The following NBEAL2 variants were observed in gnomAD, a reference collection of about 807,000 sequenced individuals.
NBEAL2 encodes the protein neurobeachin like 2.
Under a neutral mutation model 299.8 loss-of-function variants are expected in NBEAL2, and 160 were observed. That is an observed-to-expected ratio of 0.53 (90% CI 0.47 to 0.61). The LOEUF (loss-of-function observed/expected upper bound fraction) is 0.61. NBEAL2 is among the 20% of genes least tolerant of loss of function. NBEAL2 has a pLI of 0.00. For synonymous variants in NBEAL2, 1,493 were observed against 1,542.3 expected, an observed-to-expected ratio of 0.97 and a Z score of 0.75; for missense variants, 3,112 against 3,649.0, an observed-to-expected ratio of 0.85 and a Z score of 3.79.
intron 9 of NBEAL2, among the ~76,000 whole-genome samples, chr3:46,992,221 T>C (rs1466674018): frequency 6.6e-6 from 1 of 152,148 alleles, no homozygotes; most frequent in African/African-American, 2.4e-5. Context: ...TGGTGCCTTG[T>C]TTCCCTTTCC....
At position 46,989,604 on chromosome 3, in the gene NBEAL2, G is replaced by A. The variant is rs923419221; in HGVS notation, c.556+11G>A. On this transcript the variant is annotated intron_variant, in intron 6 of 53. Coordinates refer to ENST00000450053, the MANE Select transcript of NBEAL2 (RefSeq NM_015175.3). This position sits in a 1 kb window ranked among gnomAD's most constrained non-coding sequence, Gnocchi z 5.5. ...GCGCCTTCTTCCAAGGTCAGGCCCC[G>A]CCCCTGCCCCCACTTGGCTCCACCC... is the stretch of plus-strand genomic sequence containing the variant. The A allele has an allele frequency of 2.0e-5, 31 of 1,572,112 alleles. No homozygotes were observed. Among genetic ancestry groups the A allele is most frequent in the African/African-American group, 5.5e-5 (4 of 73,384 alleles).
chr3:46,994,156 C>T, intron 11 of NBEAL2, 136 bp downstream of exon 11: 1 of 899,086 alleles, frequency 1.1e-6, no homozygotes, highest in Non-Finnish European at 1.7e-6. Context: ...AGGTGACTGC[C>T]CTGCCCTAAA....
chr3:46,996,278 C>A lies in NBEAL2; in HGVS notation c.2159C>A (p.Ser720Tyr). 6.2e-7 allele frequency: 1 copy of A among 1,606,832 alleles called. No homozygotes were observed. ...CCAACCCCGGCCCCACAGCCTTTCT[C>A]CTCCTGCTGTATCGGCTCCGCTGGA... ...LRCPSLSEPF[S>Y]SCCIGSAGYR... Residue 720 changes from serine (S) to tyrosine (Y), a missense_variant, in exon 16 of 54, where the codon TCC becomes TAC. Physicochemically the swap from Ser to Tyr is moderately radical, Grantham distance 144. Around this residue, in one of 3 missense-constraint regions of NBEAL2, gnomAD observed 2,243 missense variants for 2,538.1 expected, o/e 0.88. Transcript: ENST00000450053.
At position 46,997,254 on chromosome 3, in the gene NBEAL2, C is replaced by T. The variant is rs765837585; in HGVS notation, c.2650-5C>T. On this transcript the variant is annotated splice_polypyrimidine_tract_variant and splice_region_variant and intron_variant, in intron 18 of 53. Transcript: ENST00000450053. Reference sequence around the variant, plus strand: ...TCCCCCTCACTGCCATCCTCCTTCCCCCAGGATGTGGTGAACTGCGTTGGG... The same window carrying T: ...TCCCCCTCACTGCCATCCTCCTTCCTCCAGGATGTGGTGAACTGCGTTGGG... 4 of 1,612,402 alleles carry T rather than the reference C, an allele frequency of 2.5e-6. No homozygotes were observed. Among genetic ancestry groups the T allele is most frequent in the South Asian group, 1.1e-5 (1 of 91,040 alleles).
chr3:46,987,508 C>A (rs139347635), intron 1 of NBEAL2, among the ~76,000 whole-genome samples: 2 of 152,222 alleles, frequency 1.3e-5, no homozygotes, highest in South Asian at 2.1e-4. Context: ...AGAGCAGATA[C>A]GGGCTAGGCT....
Position 46,979,896 on chromosome 3 carries a change from TG to T in NBEAL2, c.36del (p.Leu13SerfsTer15). 2 of 460,640 alleles carry T rather than the reference TG, an allele frequency of 4.3e-6. No individual in the cohort carries two copies. Among genetic ancestry groups the T allele is most frequent in the Non-Finnish European group, 3.9e-6 (1 of 254,422 alleles). The allele number at this position is 460,640 out of a possible 1,614,324, so 28.5% of individuals were successfully genotyped here. ...AASERLYELW[L>X]LYYAQKDLGY... ...TCGGAGCGGCTGTACGAGTTGTGGCTGCTCTACTACGCGCAGGTGAGCCCGC... is the reference window on the plus strand; with the variant it reads ...TCGGAGCGGCTGTACGAGTTGTGGCTCTCTACTACGCGCAGGTGAGCCCGC... On this transcript the variant is annotated frameshift_variant, in exon 1 of 54. Transcript: ENST00000450053. LOFTEE classifies it high-confidence loss of function.
Position 47,007,325 on chromosome 3 carries a change from A to G in NBEAL2, c.7309A>G (p.Lys2437Glu). ...CATAAGCAACTACTTCAGCTTCAGC[A>G]AAGACCCCACCATGGGCAGCCACAA... ...RNISNYFSFS[K>E]DPTMGSHKTQ... The change falls in exon 47 of 54, where the codon AAA (lysine) becomes GAA (glutamate). Residue 2437 changes from lysine (K) to glutamate (E), a missense_variant. Lys to Glu is a moderately conservative substitution (Grantham distance 56, BLOSUM62 1). Transcript: ENST00000450053. 1 of 1,609,812 alleles carries G rather than the reference A, an allele frequency of 6.2e-7. No homozygotes were observed. The highest frequency in any genetic ancestry group is 8.5e-7 in the Non-Finnish European group (1 of 1,178,168).
Position 46,999,019 on chromosome 3 carries a change from T to C in NBEAL2, c.3445T>C (p.Leu1149=), listed in dbSNP as rs2036740705. ...LLHGSLVQES[L]AVFLLEPGNL... Reference sequence around the variant, plus strand: ...GCACGGTTCCCTGGTGCAGGAGTCCTTGGCTGTCTTTCTGTTGGAGCCAGG... The same window carrying C: ...GCACGGTTCCCTGGTGCAGGAGTCCCTGGCTGTCTTTCTGTTGGAGCCAGG... Residue 1149 remains leucine, a synonymous_variant, in exon 24 of 54, where the codon TTG becomes CTG. Coordinates refer to ENST00000450053, the MANE Select transcript of NBEAL2 (RefSeq NM_015175.3). The C allele has an allele frequency of 6.2e-7, 1 of 1,604,578 alleles. No individual in the cohort carries two copies. Among genetic ancestry groups the C allele is most frequent in the Non-Finnish European group, 8.5e-7 (1 of 1,175,918 alleles).
In NBEAL2 at chr3:46,989,027, G is replaced by A; in HGVS notation, c.269+57G>A. 1 of 1,611,634 alleles carries A rather than the reference G, an allele frequency of 6.2e-7. No individual in the cohort carries two copies. The highest frequency in any genetic ancestry group is 8.5e-7 in the Non-Finnish European group (1 of 1,178,798). On this transcript the variant is annotated intron_variant, in intron 3 of 53. Transcript: ENST00000450053. This position sits in a 1 kb window ranked among gnomAD's most constrained non-coding sequence, Gnocchi z 5.5. ...CCTAGAACTGTGGGCCAGAGGGAGA[G>A]GGGACAAGGAGGGGCATGGTGTATT...
chr3:47,008,011 A>G (rs2037588961), intron 49 of NBEAL2, 59 bp from the exon 50 acceptor site: 6 of 1,591,412 alleles, frequency 3.8e-6, no homozygotes, highest in Non-Finnish European at 5.2e-6. Flanking sequence ...AGTCTTGGAC[A>G]AGGCCTTCAT....
chr3:46,994,405 C>T, intron 11 of NBEAL2, 50 bp from the exon 12 acceptor site: 2 of 1,501,536 alleles, frequency 1.3e-6, no homozygotes, highest in Non-Finnish European at 1.8e-6. Context: ...TCTGAGTTTG[C>T]CCTCCGGCCC....
rs1379348082 is a variant in NBEAL2, at chr3:46,991,827, G to A, written c.926-13G>A. 6.3e-7 allele frequency: 1 copy of A among 1,584,824 alleles called. No homozygotes were observed. Among genetic ancestry groups the A allele is most frequent in the Non-Finnish European group, 8.6e-7 (1 of 1,165,632 alleles). ...GGGGTCTGGGCAGGGCCTGACCCTT[G>A]ACCCTTCCACAGACGCCATCCCCAT... On this transcript the variant is annotated splice_polypyrimidine_tract_variant and intron_variant, in intron 8 of 53. Coordinates refer to ENST00000450053, the MANE Select transcript of NBEAL2 (RefSeq NM_015175.3). The surrounding 1 kb of genome is among the most constrained non-coding windows in gnomAD (Gnocchi z 6.2).
chr3:46,985,017 G>A (rs1274799367), intron 1 of NBEAL2, among the ~76,000 whole-genome samples: 4 of 152,198 alleles, frequency 2.6e-5, no homozygotes, highest in African/African-American at 4.8e-5. Context: ...ACTGGACTCC[G>A]GAACCCATGC....
At position 47,002,433 on chromosome 3, in the gene NBEAL2, A is replaced by G. The variant is rs758339886; in HGVS notation, c.5214A>G (p.Ser1738=). Residue 1738 remains serine, a synonymous_variant, in exon 32 of 54, where the codon TCA becomes TCG. Coordinates refer to ENST00000450053, the MANE Select transcript of NBEAL2 (RefSeq NM_015175.3). ...DTYAKSHDLM[S]GFWNACYDML... is the part of the protein sequence containing the mutation. ...ATGCTAAGAGCCACGACCTTATGTCAGGTTTCTGGAATGCCTGCTATGACA... is the reference window on the plus strand; with the variant it reads ...ATGCTAAGAGCCACGACCTTATGTCGGGTTTCTGGAATGCCTGCTATGACA... 1.2e-6 allele frequency: 2 copies of G among 1,613,468 alleles called. No individual in the cohort carries two copies. Among genetic ancestry groups the G allele is most frequent in the African/African-American group, 1.3e-5 (1 of 75,074 alleles).
chr3:47,008,280 C>A lies in NBEAL2; in HGVS notation c.7720-3C>A. The A allele has an allele frequency of 2.5e-6, 4 of 1,613,034 alleles. No homozygotes were observed. Among genetic ancestry groups the A allele is most frequent in the Non-Finnish European group, 3.4e-6 (4 of 1,179,420 alleles). On this transcript the variant is annotated splice_region_variant and splice_polypyrimidine_tract_variant and intron_variant, in intron 50 of 53. Coordinates refer to ENST00000450053, the MANE Select transcript of NBEAL2 (RefSeq NM_015175.3). ...CCCAGGACCCTAAGTTGCCTTCCTG[C>A]AGGATGGAACTGTGATCATACACAC...
chr3:46,999,469 G>A lies in NBEAL2; in HGVS notation c.3698G>A (p.Gly1233Glu), dbSNP rs1333635763. 1.3e-6 allele frequency: 2 copies of A among 1,580,008 alleles called. No individual in the cohort carries two copies. The highest frequency in any genetic ancestry group is 1.7e-6 in the Non-Finnish European group (2 of 1,162,920). The change falls in exon 25 of 54, where the codon GGG becomes GAG. Residue 1233 changes from glycine to glutamate, a missense_variant. Physicochemically the swap from Gly to Glu is moderately conservative, Grantham distance 98 (BLOSUM62 -2). This residue lies in a region of NBEAL2 where 2,243 missense variants were observed against 2,538.1 expected (regional missense o/e 0.88). Transcript: ENST00000450053. The part of the protein sequence containing the change: ...LCQGLYKLFL[G>E]ADCLNLSDLL... ...CAGGGCCTCTACAAGCTGTTCCTGG[G>A]GGCAGGTACAACCTGGTTAAGGCCA...
At position 46,999,458 on chromosome 3, in the gene NBEAL2, G is replaced by A; in HGVS notation, c.3687G>A (p.Lys1229=). 6.3e-7 allele frequency: 1 copy of A among 1,580,566 alleles called. No homozygotes were observed. Among genetic ancestry groups the A allele is most frequent in the Non-Finnish European group, 8.6e-7 (1 of 1,163,360 alleles). ...CCCAGCTCTGCCAGGGCCTCTACAA[G>A]CTGTTCCTGGGGGCAGGTACAACCT... ...VSPQLCQGLY[K]LFLGADCLNL... Residue 1229 remains lysine, a synonymous_variant, in exon 25 of 54, where the codon AAG becomes AAA. Transcript: ENST00000450053.
chr3:46,986,247 G>T (rs2035664055), intron 1 of NBEAL2, among the ~76,000 whole-genome samples: 1 of 152,150 alleles, frequency 6.6e-6, no homozygotes, highest in African/African-American at 2.4e-5. Flanking sequence ...GTGGTTCTAG[G>T]GACAGAAAGT....
rs761727117 is a variant in NBEAL2, at chr3:46,988,798, A to G, written c.140+41A>G. The G allele has an allele frequency of 6.9e-6, 11 of 1,605,014 alleles. No homozygotes were observed. The highest frequency in any genetic ancestry group is 3.4e-6 in the Non-Finnish European group (4 of 1,172,718). ...CACTGAGGGCAGGGACAGAGCAGGGAGATTGAGGGGTCCTCAGCACCCGTG... is the reference window on the plus strand; with the variant it reads ...CACTGAGGGCAGGGACAGAGCAGGGGGATTGAGGGGTCCTCAGCACCCGTG... On this transcript the variant is annotated intron_variant, in intron 2 of 53. Coordinates refer to ENST00000450053, the MANE Select transcript of NBEAL2 (RefSeq NM_015175.3). The surrounding 1 kb of genome is among the most constrained non-coding windows in gnomAD (Gnocchi z 4.4).
Sources: allele counts gnomAD v4.1 joint callset (sites outside exome capture counted in the v4.1 genomes callset), GRCh38; gene constraint gnomAD v4.1.1; regional missense constraint gnomAD v4.1.1; non-coding constraint Gnocchi (gnomAD v3.1); transcripts MANE v1.5; gene names NCBI Gene and HGNC (gene_info 2026-07-23, HGNC 2026-07-21).